The following TRANK1 variants were observed in gnomAD, a reference collection of about 807,000 sequenced individuals.
TRANK1 encodes TPR and ankyrin repeat-containing protein 1.
TRANK1 carries 198 observed loss-of-function variants against 266.0 expected under a neutral mutation model. The observed-to-expected ratio is 0.74, with a 90% CI of 0.66 to 0.84. TRANK1 has a LOEUF of 0.84. TRANK1 is among the 40% of genes least tolerant of loss of function. The pLI is 0.00. For missense variants in TRANK1, 3,326 were observed against 3,634.6 expected, an observed-to-expected ratio of 0.92 and a Z score of 2.18; for synonymous variants, 1,396 against 1,384.1, an observed-to-expected ratio of 1.01 and a Z score of -0.19.
At position 36,874,142 on chromosome 3, in the gene TRANK1, A is replaced by C; in HGVS notation, c.1062T>G (p.Cys354Trp). 2 of 1,537,274 alleles carry C rather than the reference A, an allele frequency of 1.3e-6. No homozygotes were observed. Among genetic ancestry groups the C allele is most frequent in the Non-Finnish European group, 1.7e-6 (2 of 1,146,808 alleles). ...INSHLEKLAT[C>W]SKDLSGFSNG... ...AAGCTGTACCTGATAGGTCCTTAGA[A>C]CACGTAGCTAGCTTTTCTAAGTGAC... The change falls in exon 9 of 24, where the codon TGT (cysteine) becomes TGG (tryptophan). Residue 354 changes from cysteine (C) to tryptophan (W), a missense_variant. Coordinates refer to ENST00000645898, the MANE Select transcript of TRANK1 (RefSeq NM_001329998.2).
chr3:36,847,176 T>C lies in TRANK1; in HGVS notation c.5034+24A>G, dbSNP rs773891499. 3 of 1,607,000 alleles carry C rather than the reference T, an allele frequency of 1.9e-6. No individual in the cohort carries two copies. The African/African-American group carries it at 4.0e-5, about 21-fold the overall frequency. On this transcript the variant is annotated intron_variant, in intron 16 of 23. Coordinates refer to ENST00000645898, the MANE Select transcript of TRANK1 (RefSeq NM_001329998.2). ...TCACTACTTCCATGTCAAGTACATG[T>C]GTTGACAAATGGCAGAAATTCACCT...
At position 36,856,418 on chromosome 3, in the gene TRANK1, C is replaced by T. The variant is rs756251062; in HGVS notation, c.3304G>A (p.Glu1102Lys). Residue 1102 changes from glutamate (E) to lysine (K), a missense_variant, in exon 13 of 24, where the codon GAG (glutamate) becomes AAG (lysine). Glu to Lys is a moderately conservative substitution (Grantham distance 56). Transcript: ENST00000645898. ...KKFHVYWEKAEQAGSPLLAKQ... is the reference protein window; with the variant it reads ...KKFHVYWEKAKQAGSPLLAKQ... ...GCCAGCAATGGGCTTCCTGCCTGCT[C>T]AGCTTTTTCCCAGTAAACGTGGAAT... 3.7e-6 allele frequency: 6 copies of T among 1,613,122 alleles called. No homozygotes were observed. In the South Asian group the frequency reaches 5.5e-5, roughly 15 times the overall value.
intron 8 of TRANK1, among the ~76,000 whole-genome samples, chr3:36,875,720 A>G (rs1014206189): frequency 3.9e-5 from 6 of 152,180 alleles, no homozygotes; most frequent in Non-Finnish European, 8.8e-5. Context: ...TACCTGCAAA[A>G]CGTCTTTTAA....
intron 1 of TRANK1, among the ~76,000 whole-genome samples, chr3:36,931,178 A>G (rs2125662438): frequency 6.6e-6 from 1 of 152,196 alleles, no homozygotes; most frequent in South Asian, 2.1e-4. Context: ...GTAATAATAA[A>G]AGACTAGGAC....
chr3:36,843,892 C>T (rs1352332217), intron 17 of TRANK1, among the ~76,000 whole-genome samples: 2 of 152,088 alleles, frequency 1.3e-5, no homozygotes, highest in Admixed American at 6.6e-5. Context: ...GTTCTGACTC[C>T]GTATGTGCTG....
intron 1 of TRANK1, among the ~76,000 whole-genome samples, chr3:36,937,223 G>A (rs1021669288): frequency 6.6e-6 from 1 of 152,176 alleles, no homozygotes; most frequent in African/African-American, 2.4e-5. Context: ...TGTAGCTAGT[G>A]GTAGACACAT....
At position 36,850,923 on chromosome 3, in the gene TRANK1, G is replaced by A. The variant is rs190319758; in HGVS notation, c.4887+796C>T. The A allele has an allele frequency of 7.7e-4, 763 of 985,450 alleles. 1 individual carries two copies. The highest frequency in any genetic ancestry group is 2.6e-3 in the Admixed American group (43 of 16,268). 61.0% of individuals were successfully genotyped at this position (985,450 alleles called of 1,614,324 possible). A position where few individuals can be genotyped will look rare whatever the true frequency, so the allele number is the denominator to read the frequency against. ...CAAAGGAAGTCTGCAACAAGGACTG[G>A]GACACAGCCAGCTAAGTCCCCAGAG... On this transcript the variant is annotated intron_variant, in intron 15 of 23. Transcript: ENST00000645898.
intron 15 of TRANK1, among the ~76,000 whole-genome samples, chr3:36,848,869 C>G (rs1478533915): frequency 6.6e-6 from 1 of 152,152 alleles, no homozygotes; most frequent in African/African-American, 2.4e-5. Flanking sequence ...GAGATACGGA[C>G]TGGCTAATAT....
intron 4 of TRANK1, among the ~76,000 whole-genome samples, 180 bp downstream of exon 4, chr3:36,898,929 A>C (rs1273236246): frequency 6.6e-6 from 1 of 152,238 alleles, no homozygotes; most frequent in Non-Finnish European, 1.5e-5. Flanking sequence ...TGTTTTCACA[A>C]AGGCAGAAGC....
At chr3:36,866,115 A>AGAGT (rs1553622476) in intron 9 of TRANK1, among the ~76,000 whole-genome samples, 12 of 150,342 alleles carry the variant, frequency 8.0e-5, no homozygotes, top group African/African-American at 3.0e-4. Context: ...AAAGAAAGAA[A>AGAGT]GAGTCACCGA....
chr3:36,890,833 C>T (rs749061544), intron 7 of TRANK1, among the ~76,000 whole-genome samples: 13 of 152,142 alleles, frequency 8.5e-5, no homozygotes, highest in African/African-American at 1.2e-4. Context: ...ATGATTAAAA[C>T]GTACCACCTT....
intron 20 of TRANK1, among the ~76,000 whole-genome samples, chr3:36,836,835 G>C (rs1295781295): frequency 2.6e-5 from 4 of 152,234 alleles, no homozygotes; most frequent in African/African-American, 9.6e-5. Flanking sequence ...AGCCTAAGCT[G>C]ATGCTAGACT....
intron 16 of TRANK1, 142 bp from the exon 17 acceptor site, chr3:36,846,546 C>G: frequency 1.3e-6 from 1 of 753,196 alleles, no homozygotes; most frequent in Non-Finnish European, 2.1e-6. Context: ...AACAGGATAC[C>G]AGGAGCTCAC....
intron 17 of TRANK1, among the ~76,000 whole-genome samples, chr3:36,844,944 GACA>G (rs2078895757): frequency 6.6e-6 from 1 of 151,846 alleles, no homozygotes; most frequent in Non-Finnish European, 1.5e-5. Flanking sequence ...CCTCAAGAAA[GACA>G]ACAATTTTCT....
rs181982647 is a variant in TRANK1 at position 36,898,075 on chromosome 3, T to C, written c.433+1034A>G. 4.6e-3 allele frequency among the ~76,000 whole-genome samples: 702 copies of C among 152,338 alleles called. 5 individuals are homozygous for C. The highest frequency in any genetic ancestry group is 8.1e-3 in the Admixed American group (124 of 15,292). On this transcript the variant is annotated intron_variant, in intron 4 of 23. Transcript: ENST00000645898. ...GACATGGAGCACCCATTATCAGCTTTCACAGGACCCGCCATCGGCCCTTCC... is the reference window on the plus strand; with the variant it reads ...GACATGGAGCACCCATTATCAGCTTCCACAGGACCCGCCATCGGCCCTTCC...
chr3:36,847,333 C>G lies in TRANK1; in HGVS notation c.4901G>C (p.Trp1634Ser), dbSNP rs911726530. ...AGGTGTGAATGAGGAAATGATCTTC[C>G]ATTCCTTATAAGCCTGAACAACAAC... is the stretch of plus-strand genomic sequence containing the variant. ...FFTDSEAYKE[W>S]KIISSFTPTS... The change falls in exon 16 of 24, where the codon TGG (tryptophan) becomes TCG (serine). Residue 1634 changes from tryptophan to serine, a missense_variant. Trp to Ser is a radical substitution (Grantham distance 177, BLOSUM62 -3). Coordinates refer to ENST00000645898, the MANE Select transcript of TRANK1 (RefSeq NM_001329998.2). 1.9e-6 allele frequency: 3 copies of G among 1,613,522 alleles called. No homozygotes were observed. The South Asian group carries it at 3.3e-5, about 18-fold the overall frequency.
rs867480682 is a variant in TRANK1, at chr3:36,892,103, A to C, written c.775+99T>G. 3 of 1,356,408 alleles carry C rather than the reference A, an allele frequency of 2.2e-6. No homozygotes were observed. The South Asian group carries it at 4.4e-5, about 20-fold the overall frequency. The allele number at this position is 1,356,408 out of a possible 1,614,324, so 84.0% of individuals were successfully genotyped here. ...TCATTTGAATATTCAAATGGTCTGC[A>C]TTCAAGTGGCTTAATTCTAGTTTCA... On this transcript the variant is annotated intron_variant, in intron 7 of 23. Coordinates refer to ENST00000645898, the MANE Select transcript of TRANK1 (RefSeq NM_001329998.2).
intron 11 of TRANK1, 41 bp from the exon 12 acceptor site, chr3:36,858,935 AGCCTGGCTC>A: frequency 6.7e-7 from 1 of 1,487,470 alleles, no homozygotes; most frequent in Non-Finnish European, 8.9e-7. Context: ...GAGCAGGCAC[AGCCTGGCTC>A]GCCTGACGAG....
intron 1 of TRANK1, among the ~76,000 whole-genome samples, chr3:36,913,364 TTCTA>T (rs568507631): frequency 2.0e-4 from 31 of 151,968 alleles, no homozygotes; most frequent in African/African-American, 6.3e-4. Context: ...CCTTCTATCT[TTCTA>T]TCTATCTTTC....
Sources: allele counts gnomAD v4.1 joint callset (sites outside exome capture counted in the v4.1 genomes callset), GRCh38; gene constraint gnomAD v4.1.1; transcripts MANE v1.5; gene names NCBI Gene and HGNC (gene_info 2026-07-23, HGNC 2026-07-21).